The following PCDHGA11 variants were observed in gnomAD, a reference collection of about 807,000 sequenced individuals.
The protein encoded by PCDHGA11 is protocadherin gamma-A11.
PCDHGA11 carries 39 observed loss-of-function variants against 60.4 expected under a neutral mutation model. That is an observed-to-expected ratio of 0.65 (90% CI 0.50 to 0.84). PCDHGA11 has a LOEUF of 0.84. Among genes scored for constraint, PCDHGA11 ranks in the 40% least tolerant of loss-of-function variants. PCDHGA11 has a pLI of 0.00. For synonymous variants in PCDHGA11, 533 were observed against 510.3 expected, an observed-to-expected ratio of 1.04 and a Z score of -0.60; for missense variants, 1,165 against 1,197.7, an observed-to-expected ratio of 0.97 and a Z score of 0.40.
In PCDHGA11 at chr5:141,489,456, G is replaced by A. The variant is rs1468723020; in HGVS notation, c.2434-5351G>A. The A allele has an allele frequency of 1.2e-6, 2 of 1,614,050 alleles. No homozygotes were observed. Among genetic ancestry groups the A allele is most frequent in the Non-Finnish European group, 1.7e-6 (2 of 1,180,016 alleles). ...TGCAATTGGGCTCTGAGGAGAATGG[G>A]CGCTATTTTTCCCTGAGCTTGATGA... On this transcript the variant is annotated intron_variant, in intron 1 of 3. Transcript: ENST00000398587. This position sits in a 1 kb window ranked among gnomAD's most constrained non-coding sequence, Gnocchi z 4.5.
intron 1 of PCDHGA11, among the ~76,000 whole-genome samples, chr5:141,435,561 T>A (rs2154556722): frequency 6.6e-6 from 1 of 152,294 alleles, no homozygotes; most frequent in South Asian, 2.1e-4. Flanking sequence ...TGAGTGCTTT[T>A]TTTAGTACTG....
intron 1 of PCDHGA11, among the ~76,000 whole-genome samples, chr5:141,465,048 AT>A (rs905091014): frequency 4.0e-5 from 6 of 151,346 alleles, no homozygotes; most frequent in African/African-American, 9.7e-5. Context: ...GACCCTATAT[AT>A]TTTTTTGAAT....
At position 141,423,294 on chromosome 5, in the gene PCDHGA11, C is replaced by T. The variant is rs1222440954; in HGVS notation, c.2067C>T (p.Asp689=). ...LESLANSETS[D]LSLYLVVAVA... is the part of the protein sequence containing the mutation. ...CTCTGGCTAACTCTGAAACCTCAGA[C>T]CTCTCGCTGTACTTGGTGGTGGCGG... is the stretch of plus-strand genomic sequence containing the variant. Residue 689 remains aspartate (D), a synonymous_variant, in exon 1 of 4, where the codon GAC becomes GAT. Coordinates refer to ENST00000398587, the MANE Select transcript of PCDHGA11 (RefSeq NM_018914.3). 1.4e-5 allele frequency: 22 copies of T among 1,614,036 alleles called. No homozygotes were observed. Among genetic ancestry groups the T allele is most frequent in the Admixed American group, 1.3e-4 (8 of 60,014 alleles).
At chr5:141,506,636 C>T (rs1421676205) in intron 3 of PCDHGA11, among the ~76,000 whole-genome samples, 2 of 152,020 alleles carry the variant, frequency 1.3e-5, no homozygotes, top group South Asian at 2.1e-4. Context: ...AATGCAAGTC[C>T]CTCAGCACAG....
chr5:141,479,435 G>C (rs2099495981), intron 1 of PCDHGA11: 1 of 152,218 alleles, frequency 6.6e-6, no homozygotes, highest in Non-Finnish European at 1.5e-5. Context: ...TCAATCCACT[G>C]TCTGCACTAA....
chr5:141,433,076 C>T, intron 1 of PCDHGA11: 1 of 1,614,188 alleles, frequency 6.2e-7, no homozygotes, highest in Non-Finnish European at 8.5e-7. Context: ...CTTCCCCCAG[C>T]CCAACTATGC....
chr5:141,503,221 C>A (rs528636727), intron 2 of PCDHGA11, among the ~76,000 whole-genome samples: 2 of 151,956 alleles, frequency 1.3e-5, no homozygotes, highest in Non-Finnish European at 2.9e-5. Context: ...CCATGAGCAC[C>A]GTAAAGATGG....
Position 141,481,556 on chromosome 5 carries a change from G to A in PCDHGA11, c.2434-13251G>A, listed in dbSNP as rs553126587. Among the ~76,000 whole-genome samples the A allele has an allele frequency of 1.2e-4, 18 of 152,266 alleles. No homozygotes were observed. The South Asian group carries it at 1.4e-3, about 12-fold the overall frequency. On this transcript the variant is annotated intron_variant, in intron 1 of 3. Coordinates refer to ENST00000398587, the MANE Select transcript of PCDHGA11 (RefSeq NM_018914.3). ...GATGGGGCTGGGCTCAGTGGCTCAC[G>A]CCTGTAATCCCAGTACTTAGGGAGG...
Position 141,485,574 on chromosome 5 carries a change from C to T in PCDHGA11, c.2434-9233C>T. 1 of 1,612,568 alleles carries T rather than the reference C, an allele frequency of 6.2e-7. No homozygotes were observed. Among genetic ancestry groups the T allele is most frequent in the Non-Finnish European group, 8.5e-7 (1 of 1,178,752 alleles). On this transcript the variant is annotated intron_variant, in intron 1 of 3. Transcript: ENST00000398587. This position sits in a 1 kb window ranked among gnomAD's most constrained non-coding sequence, Gnocchi z 5.7. ...GTGAATGATCACGCCCCCCGTTTTCCGCGGCAGCAGCTGGACTTGGAAATT... is the reference window on the plus strand; with the variant it reads ...GTGAATGATCACGCCCCCCGTTTTCTGCGGCAGCAGCTGGACTTGGAAATT...
intron 3 of PCDHGA11, among the ~76,000 whole-genome samples, chr5:141,506,925 A>G (rs1287267937): frequency 1.3e-5 from 2 of 152,152 alleles, no homozygotes; most frequent in African/African-American, 4.8e-5. Context: ...ATACTAAACA[A>G]ACTTTAGGGG....
In PCDHGA11 at chr5:141,491,410, G is replaced by T. The variant is rs777207581; in HGVS notation, c.2434-3397G>T. On this transcript the variant is annotated intron_variant, in intron 1 of 3. Transcript: ENST00000398587. The surrounding 1 kb of genome is among the most constrained non-coding windows in gnomAD (Gnocchi z 6.9). ...GTGCCTTCAGGGAAACGCAGACGGG[G>T]ACGGGGGTGGAGGGCAGTGCTGCAG... 28 of 1,614,142 alleles carry T rather than the reference G, an allele frequency of 1.7e-5. No individual in the cohort carries two copies. The highest frequency in any genetic ancestry group is 2.4e-5 in the Non-Finnish European group (28 of 1,180,034).
intron 1 of PCDHGA11, among the ~76,000 whole-genome samples, chr5:141,447,895 G>A (rs931589569): frequency 1.3e-5 from 2 of 152,068 alleles, no homozygotes; most frequent in Non-Finnish European, 2.9e-5. Context: ...AGACCAGCCT[G>A]GCCAACATGG....
At chr5:141,509,631 C>A (rs1250891268) in intron 3 of PCDHGA11, among the ~76,000 whole-genome samples, 1 of 152,200 alleles carries the variant, frequency 6.6e-6, no homozygotes, top group East Asian at 1.9e-4. Flanking sequence ...CTGGGTGATG[C>A]TGAGCCAGGG....
chr5:141,507,862 G>T (rs17286954), intron 3 of PCDHGA11, among the ~76,000 whole-genome samples: 20,426 of 152,154 alleles, frequency 0.13, 1,374 homozygotes, highest in Admixed American at 0.16. Context: ...TTTCACACCC[G>T]CTTCCTAGCC....
At chr5:141,500,877 A>C (rs2099803156) in intron 2 of PCDHGA11, among the ~76,000 whole-genome samples, 1 of 122,292 alleles carries the variant, frequency 8.2e-6, no homozygotes, top group African/African-American at 3.9e-5. Flanking sequence ...TTCATTTACA[A>C]TTTTTTTTTT....
chr5:141,444,762 T>A (rs767523211), intron 1 of PCDHGA11, among the ~76,000 whole-genome samples: 2 of 152,248 alleles, frequency 1.3e-5, no homozygotes, highest in Non-Finnish European at 2.9e-5. Flanking sequence ...TAGTTCTATT[T>A]CTATATTCTT....
intron 1 of PCDHGA11, among the ~76,000 whole-genome samples, chr5:141,472,542 GA>G (rs904556404): frequency 1.6e-4 from 23 of 147,144 alleles, no homozygotes; most frequent in African/African-American, 4.2e-4. Context: ...ACCATCTCAA[GA>G]AAAAAAAAAT....
In PCDHGA11 at chr5:141,477,294, C is replaced by G. The variant is rs753131175; in HGVS notation, c.2434-17513C>G. On this transcript the variant is annotated intron_variant, in intron 1 of 3. Coordinates refer to ENST00000398587, the MANE Select transcript of PCDHGA11 (RefSeq NM_018914.3). This position sits in a 1 kb window ranked among gnomAD's most constrained non-coding sequence, Gnocchi z 4.9. ...GGGCTGGTGACCTGCGAAGTTCCACCGGGTCTCCCTTTCAGCCTTACTTCT... is the reference window on the plus strand; with the variant it reads ...GGGCTGGTGACCTGCGAAGTTCCACGGGGTCTCCCTTTCAGCCTTACTTCT... The G allele has an allele frequency of 2.1e-5, 34 of 1,614,024 alleles. No individual in the cohort carries two copies. Among genetic ancestry groups the G allele is most frequent in the Non-Finnish European group, 2.9e-5 (34 of 1,180,036 alleles).
At chr5:141,469,191 G>A (rs1431459571) in intron 1 of PCDHGA11, among the ~76,000 whole-genome samples, 1 of 151,882 alleles carries the variant, frequency 6.6e-6, no homozygotes, top group Admixed American at 6.6e-5. Flanking sequence ...CAAGAGGATT[G>A]CTTGAGCCTT....
Sources: allele counts gnomAD v4.1 joint callset (sites outside exome capture counted in the v4.1 genomes callset), GRCh38; gene constraint gnomAD v4.1.1; non-coding constraint Gnocchi (gnomAD v3.1); transcripts MANE v1.5; gene names NCBI Gene and HGNC (gene_info 2026-07-23, HGNC 2026-07-21).